Variants in POMGNT2 observed in about 807,000 individuals in gnomAD.
The protein encoded by POMGNT2 is protein O-linked-mannose beta-1,4-N-acetylglucosaminyltransferase 2.
A neutral mutation model predicts 37.8 loss-of-function variants in POMGNT2; 32 were observed. That is an observed-to-expected ratio of 0.85 (90% CI 0.64 to 1.14). The LOEUF is 1.14. Among genes scored for constraint, POMGNT2 ranks in the 50% most tolerant of loss-of-function variants. POMGNT2 has a pLI of 0.00. For missense variants in POMGNT2, 705 were observed against 780.6 expected, an observed-to-expected ratio of 0.90 and a Z score of 1.15; for synonymous variants, 340 against 336.8, an observed-to-expected ratio of 1.01 and a Z score of -0.10.
rs749833091 is a variant in POMGNT2 at position 43,080,435 on chromosome 3, G to A, written c.997C>T (p.Arg333Trp). The change falls in exon 2 of 2, where the codon CGG (arginine) becomes TGG (tryptophan). Residue 333 changes from arginine (R) to tryptophan (W), a missense_variant. Physicochemically the swap from Arg to Trp is moderately radical, Grantham distance 101. Coordinates refer to ENST00000344697, the MANE Select transcript of POMGNT2 (RefSeq NM_032806.6). ...AGCATGGAGGCATTGCTGACCAGCC[G>A]CACGACATCAGCAAAGGTGTGGTCC... The part of the protein sequence containing the change: ...LEDHTFADVV[R>W]LVSNASMLVS... The A allele has an allele frequency of 1.3e-5, 21 of 1,614,014 alleles. No homozygotes were observed. Among genetic ancestry groups the A allele is most frequent in the Admixed American group, 1.0e-4 (6 of 60,006 alleles).
chr3:43,095,209 T>C (rs1187423089), intron 1 of POMGNT2, among the ~76,000 whole-genome samples: 1 of 152,126 alleles, frequency 6.6e-6, no homozygotes, highest in Non-Finnish European at 1.5e-5. Context: ...AGATGGAGTC[T>C]TGCCATGAGG....
intron 1 of POMGNT2, among the ~76,000 whole-genome samples, chr3:43,100,982 A>G (rs1424557081): frequency 6.6e-6 from 1 of 152,230 alleles, no homozygotes; most frequent in Non-Finnish European, 1.5e-5. Flanking sequence ...GAGAACCCCT[A>G]TACTGTGTAG....
intron 1 of POMGNT2, among the ~76,000 whole-genome samples, chr3:43,101,109 C>T (rs1034786183): frequency 1.3e-5 from 2 of 152,198 alleles, no homozygotes; most frequent in African/African-American, 4.8e-5. Flanking sequence ...GTGGATGCAA[C>T]CCCTTCTACC....
At position 43,080,856 on chromosome 3, in the gene POMGNT2, G is replaced by A. The variant is rs755626367; in HGVS notation, c.576C>T (p.Phe192=). The A allele has an allele frequency of 2.7e-5, 44 of 1,614,004 alleles. No homozygotes were observed. The highest frequency in any genetic ancestry group is 3.6e-5 in the Non-Finnish European group (42 of 1,180,012). The change falls in exon 2 of 2, where the codon TTC becomes TTT. Residue 192 remains phenylalanine, a synonymous_variant. Transcript: ENST00000344697. ...CACCCTCGCCCCAGCCCTCCATGAA[G>A]AAGAGCCGTGCCTCGTGGGCCAGGC... ...FPGLAHEARL[F]FMEGWGEGAH... is the part of the protein sequence containing the mutation.
At chr3:43,100,143 T>C (rs947877802) in intron 1 of POMGNT2, among the ~76,000 whole-genome samples, 2 of 150,658 alleles carry the variant, frequency 1.3e-5, no homozygotes, top group Non-Finnish European at 2.9e-5. Flanking sequence ...AACTGCTAAT[T>C]TGACATCTTT....
rs900071527 is a variant in POMGNT2, at chr3:43,081,141, A to G, written c.291T>C (p.His97=). 6 of 1,614,220 alleles carry G rather than the reference A, an allele frequency of 3.7e-6. No individual in the cohort carries two copies. The highest frequency in any genetic ancestry group is 5.1e-6 in the Non-Finnish European group (6 of 1,180,032). The change falls in exon 2 of 2, where the codon CAT becomes CAC. Residue 97 remains histidine (H), a synonymous_variant. Coordinates refer to ENST00000344697, the MANE Select transcript of POMGNT2 (RefSeq NM_032806.6). The part of the protein sequence containing the change: ...SNEAEEFIFF[H]GNTSVMLPNL... The stretch of plus-strand genomic sequence containing the variant: ...TGGGCAGCATGACAGAGGTGTTGCC[A>G]TGGAAGAAGATGAACTCCTCAGCCT...
At chr3:43,090,961 T>C (rs1379339288) in intron 1 of POMGNT2, among the ~76,000 whole-genome samples, 1 of 152,206 alleles carries the variant, frequency 6.6e-6, no homozygotes, top group Non-Finnish European at 1.5e-5. Context: ...ACTTTTTGTA[T>C]ACACAAAATA....
rs2089840546 is a variant in POMGNT2, at chr3:43,080,486, T to C, written c.946A>G (p.Met316Val). The change falls in exon 2 of 2, where the codon ATG becomes GTG. Residue 316 changes from methionine to valine, a missense_variant. By Grantham distance (21) the Met-to-Val change is conservative (BLOSUM62 1). Transcript: ENST00000344697. ...TCCAGGGACACTGTCACTGTCTTCA[T>C]CTGGAACTCCTGGGCCAGTGCCAGC... ...LLLALAQEFQMKTVTVSLEDH... is the reference protein window; with the variant it reads ...LLLALAQEFQVKTVTVSLEDH... The C allele has an allele frequency of 1.2e-6, 2 of 1,614,182 alleles. No homozygotes were observed. The highest frequency in any genetic ancestry group is 1.1e-5 in the South Asian group (1 of 91,086).
intron 1 of POMGNT2, 75 bp from the exon 2 acceptor site, chr3:43,081,611 C>A: frequency 1.6e-6 from 1 of 615,548 alleles, no homozygotes; most frequent in Non-Finnish European, 2.8e-6. Context: ...TGCTATGTGC[C>A]AGGCACGGTA....
At chr3:43,084,357 T>C (rs575423954) in intron 1 of POMGNT2, among the ~76,000 whole-genome samples, 1 of 151,762 alleles carries the variant, frequency 6.6e-6, no homozygotes, top group Non-Finnish European at 1.5e-5. Flanking sequence ...AAAAAAAAAA[T>C]TGTATTGGCC....
chr3:43,105,526 T>G lies in POMGNT2; in HGVS notation c.-106+310A>C, dbSNP rs2090051717. On this transcript the variant is annotated intron_variant, in intron 1 of 1. Transcript: ENST00000344697. ...CCAGTGCCTGCCACGAGCTGAGGGC[T>G]CGAACTGGCAAGCCCCAGGGCGTTG... Among the ~76,000 whole-genome samples the G allele has an allele frequency of 2.0e-5, 3 of 151,602 alleles. No individual in the cohort carries two copies. In the South Asian group the frequency reaches 6.2e-4, roughly 31 times the overall value.
chr3:43,082,546 A>G (rs1284387839), intron 1 of POMGNT2, among the ~76,000 whole-genome samples: 2 of 152,132 alleles, frequency 1.3e-5, no homozygotes, highest in African/African-American at 4.8e-5. Flanking sequence ...AGGGGTAAGC[A>G]TTTACTCCCT....
At position 43,081,152 on chromosome 3, in the gene POMGNT2, T is replaced by G; in HGVS notation, c.280A>C (p.Ile94Leu). The change falls in exon 2 of 2, where the codon ATC becomes CTC. Residue 94 changes from isoleucine to leucine, a missense_variant. Physicochemically the swap from Ile to Leu is conservative, Grantham distance 5. Coordinates refer to ENST00000344697, the MANE Select transcript of POMGNT2 (RefSeq NM_032806.6). ...LCYSNEAEEF[I>L]FFHGNTSVML... Reference sequence around the variant, plus strand: ...ACAGAGGTGTTGCCATGGAAGAAGATGAACTCCTCAGCCTCGTTGGAGTAG... The same window carrying G: ...ACAGAGGTGTTGCCATGGAAGAAGAGGAACTCCTCAGCCTCGTTGGAGTAG... 6.2e-7 allele frequency: 1 copy of G among 1,614,168 alleles called. No individual in the cohort carries two copies. The highest frequency in any genetic ancestry group is 8.5e-7 in the Non-Finnish European group (1 of 1,180,030).
At chr3:43,101,996 T>A (rs962190463) in intron 1 of POMGNT2, among the ~76,000 whole-genome samples, 1 of 151,854 alleles carries the variant, frequency 6.6e-6, no homozygotes, top group Non-Finnish European at 1.5e-5. Flanking sequence ...CAGCCACCAG[T>A]AGAGGACATA....
chr3:43,091,058 G>A (rs568919360), intron 1 of POMGNT2, among the ~76,000 whole-genome samples: 6 of 152,298 alleles, frequency 3.9e-5, no homozygotes, highest in Non-Finnish European at 5.9e-5. Flanking sequence ...TGGAATTATA[G>A]GCGTTCCTAG....
intron 1 of POMGNT2, among the ~76,000 whole-genome samples, chr3:43,083,619 G>A (rs2089873195): frequency 6.6e-6 from 1 of 152,162 alleles, no homozygotes; most frequent in Non-Finnish European, 1.5e-5. Context: ...CAGTCTACTG[G>A]TATTGACATT....
In POMGNT2 at chr3:43,079,675, C is replaced by G. The variant is rs1207386171; in HGVS notation, c.*14G>C. 1.2e-6 allele frequency: 2 copies of G among 1,602,340 alleles called. No homozygotes were observed. The highest frequency in any genetic ancestry group is 2.3e-5 in the South Asian group (2 of 88,720). ...CAGGAGCCACCTTCCCGAGGCCAGGCTGTGGCCTGCTCGCTACGTGTTGCA... is the reference window on the plus strand; with the variant it reads ...CAGGAGCCACCTTCCCGAGGCCAGGGTGTGGCCTGCTCGCTACGTGTTGCA... On this transcript the variant is annotated 3_prime_UTR_variant, in exon 2 of 2. Coordinates refer to ENST00000344697, the MANE Select transcript of POMGNT2 (RefSeq NM_032806.6).
intron 1 of POMGNT2, among the ~76,000 whole-genome samples, chr3:43,093,025 G>A (rs927654951): frequency 6.6e-6 from 1 of 152,208 alleles, no homozygotes; most frequent in Non-Finnish European, 1.5e-5. Flanking sequence ...AGAGAGGAAA[G>A]ACTTACCTCC....
chr3:43,090,938 G>A (rs1355087758), intron 1 of POMGNT2, among the ~76,000 whole-genome samples: 1 of 152,200 alleles, frequency 6.6e-6, no homozygotes, highest in East Asian at 1.9e-4. Flanking sequence ...ACTATGTCAA[G>A]CACAGTTCAA....
Sources: gnomAD v4.1 joint callset for allele counts (sites outside exome capture counted in the v4.1 genomes callset) on GRCh38, gnomAD v4.1.1 for gene constraint, MANE v1.5 for transcripts, NCBI Gene and HGNC (gene_info 2026-07-23, HGNC 2026-07-21) for gene names.